The following ROBO2 variants were observed in gnomAD, a reference collection of about 807,000 sequenced individuals.
ROBO2 encodes the protein roundabout homolog 2.
In ROBO2, 53 loss-of-function variants were observed where a neutral mutation model predicts 160.8. The observed-to-expected ratio is 0.33, with a 90% CI of 0.26 to 0.41. The LOEUF is 0.41. Ranked by LOEUF, ROBO2 falls within the 10% of genes least tolerant of loss-of-function variation. The pLI, the probability that ROBO2 is intolerant of heterozygous loss-of-function variation, is 1.00. For synonymous variants in ROBO2, 664 were observed against 611.7 expected (o/e 1.09, Z -1.26); for missense variants, 1,577 against 1,722.4 (o/e 0.92, Z 1.49).
intron 2 of ROBO2, among the ~76,000 whole-genome samples, chr3:76,259,200 A>G (rs1276115451): frequency 6.6e-6 from 1 of 152,142 alleles, no homozygotes; most frequent in East Asian, 1.9e-4. Flanking sequence ...TTCAGGAAAA[A>G]TAGGAGAGAA....
intron 2 of ROBO2, among the ~76,000 whole-genome samples, chr3:77,009,444 T>A (rs1479220841): frequency 6.6e-6 from 1 of 152,186 alleles, no homozygotes; most frequent in African/African-American, 2.4e-5. Flanking sequence ...ATTGTTTACA[T>A]TTTTTATAAT....
chr3:76,309,635 G>T (rs2107775213), intron 2 of ROBO2, among the ~76,000 whole-genome samples: 1 of 152,188 alleles, frequency 6.6e-6, no homozygotes, highest in African/African-American at 2.4e-5. Flanking sequence ...AAAACTGGTG[G>T]TTATCATAAT....
intron 2 of ROBO2, among the ~76,000 whole-genome samples, chr3:76,002,225 A>G (rs1383960154): frequency 6.6e-6 from 1 of 152,192 alleles, no homozygotes; most frequent in Non-Finnish European, 1.5e-5. Context: ...TGTCCTTACA[A>G]AAAGGAGAAA....
At chr3:76,524,675 C>G (rs915607799) in intron 2 of ROBO2, among the ~76,000 whole-genome samples, 1 of 150,832 alleles carries the variant, frequency 6.6e-6, no homozygotes, top group African/African-American at 2.4e-5. Flanking sequence ...TCCATTAAAA[C>G]AATGTATGTA....
At chr3:75,957,063 T>C (rs1948744869) in intron 2 of ROBO2, among the ~76,000 whole-genome samples, 2 of 151,858 alleles carry the variant, frequency 1.3e-5, no homozygotes, top group South Asian at 4.1e-4. Flanking sequence ...TATTAATTTA[T>C]TTTATGATAG....
intron 2 of ROBO2, among the ~76,000 whole-genome samples, chr3:77,293,819 A>C (rs540351763): frequency 7.0e-6 from 1 of 142,102 alleles, no homozygotes; most frequent in East Asian, 2.0e-4. Context: ...GTAAAGACAT[A>C]AAGTAGAATT....
intron 2 of ROBO2, among the ~76,000 whole-genome samples, chr3:77,116,351 C>T (rs751643244): frequency 6.6e-6 from 1 of 152,158 alleles, no homozygotes; most frequent in Non-Finnish European, 1.5e-5. Context: ...TGTCATGTAA[C>T]TGTTCATATT....
intron 2 of ROBO2, among the ~76,000 whole-genome samples, chr3:77,429,467 AATC>A (rs2078548022): frequency 6.6e-6 from 1 of 152,262 alleles, no homozygotes; most frequent in Non-Finnish European, 1.5e-5. Context: ...GCAATCAACT[AATC>A]ATCAAAATCC....
At chr3:77,217,706 G>T (rs1413015342) in intron 2 of ROBO2, among the ~76,000 whole-genome samples, 1 of 152,138 alleles carries the variant, frequency 6.6e-6, no homozygotes, top group Non-Finnish European at 1.5e-5. Context: ...GACACCTAAA[G>T]GAAACCAGTT....
At chr3:76,641,391 A>G (rs1337858675) in intron 2 of ROBO2, among the ~76,000 whole-genome samples, 1 of 152,174 alleles carries the variant, frequency 6.6e-6, no homozygotes, top group Non-Finnish European at 1.5e-5. Context: ...ACACAAACTC[A>G]ATATAATCAT....
At chr3:76,364,488 T>A (rs1268824592) in intron 2 of ROBO2, among the ~76,000 whole-genome samples, 1 of 152,056 alleles carries the variant, frequency 6.6e-6, no homozygotes, top group Admixed American at 6.6e-5. Flanking sequence ...AGGTACTCAA[T>A]ATATACTAGT....
intron 2 of ROBO2, among the ~76,000 whole-genome samples, chr3:77,178,140 A>G (rs780025270): frequency 2.6e-5 from 4 of 152,018 alleles, no homozygotes; most frequent in Non-Finnish European, 4.4e-5. Flanking sequence ...ACAGAAGATA[A>G]GGGGTAGAAC....
At chr3:77,016,547 A>C (rs527318212) in intron 2 of ROBO2, among the ~76,000 whole-genome samples, 2 of 152,318 alleles carry the variant, frequency 1.3e-5, no homozygotes, top group South Asian at 2.1e-4. Context: ...TTACCAGTTC[A>C]GTCAGGTAAG....
intron 2 of ROBO2, among the ~76,000 whole-genome samples, chr3:77,019,498 G>A (rs2062490481): frequency 6.6e-6 from 1 of 152,130 alleles, no homozygotes; most frequent in Non-Finnish European, 1.5e-5. Context: ...CCAGAAATAA[G>A]TATAAGGCAG....
intron 23 of ROBO2, among the ~76,000 whole-genome samples, chr3:77,627,568 T>C (rs1362662406): frequency 6.6e-6 from 1 of 152,078 alleles, no homozygotes; most frequent in African/African-American, 2.4e-5. Context: ...TACAGATGAT[T>C]ACACATCCCT....
At chr3:77,646,272 G>A in exon 26 of ROBO2, 1 of 408,084 alleles carries the variant, frequency 2.5e-6, no homozygotes, top group South Asian at 1.1e-4. Flanking sequence ...CTTGTCAGGA[G>A]TATATAAAAA....
chr3:76,568,930 A>G (rs1303943872), intron 2 of ROBO2, among the ~76,000 whole-genome samples: 3 of 152,216 alleles, frequency 2.0e-5, no homozygotes, highest in African/African-American at 7.2e-5. Context: ...GCAACTAAAT[A>G]AATGTCATAA....
At chr3:76,298,358 G>T (rs1709190426) in intron 2 of ROBO2, among the ~76,000 whole-genome samples, 1 of 152,164 alleles carries the variant, frequency 6.6e-6, no homozygotes, top group Admixed American at 6.5e-5. Context: ...TATAGACCAA[G>T]AAATTCGAGG....
chr3:77,141,609 T>C (rs2076711175), intron 2 of ROBO2, among the ~76,000 whole-genome samples: 2 of 152,246 alleles, frequency 1.3e-5, no homozygotes, highest in South Asian at 4.1e-4. Flanking sequence ...CCATTCTTGA[T>C]AAGCATGAAT....
Sources: gnomAD v4.1 joint callset for allele counts (sites outside exome capture counted in the v4.1 genomes callset) on GRCh38, gnomAD v4.1.1 for gene constraint, MANE v1.5 for transcripts, NCBI Gene and HGNC (gene_info 2026-07-23, HGNC 2026-07-21) for gene names.